The following SYNDIG1L variants were observed in gnomAD, a reference collection of about 807,000 sequenced individuals.
The protein encoded by SYNDIG1L is synapse differentiation inducing 1 like.
In SYNDIG1L, 13 loss-of-function variants were observed where a neutral mutation model predicts 20.1. The observed-to-expected ratio is 0.65, with a 90% CI of 0.42 to 1.03. The LOEUF is 1.03. SYNDIG1L is among the 50% of genes least tolerant of loss of function. The pLI is 0.00. For synonymous variants in SYNDIG1L, 128 were observed against 129.3 expected, an observed-to-expected ratio of 0.99 and a Z score of 0.07; for missense variants, 294 against 305.1, an observed-to-expected ratio of 0.96 and a Z score of 0.27.
intron 1 of SYNDIG1L, among the ~76,000 whole-genome samples, chr14:74,422,692 T>TC (rs1359896711): frequency 6.4e-4 from 59 of 91,744 alleles, no homozygotes; most frequent in African/African-American, 2.1e-3. Flanking sequence ...ATTTCTCTTT[T>TC]TTTTCTTTCT....
chr14:74,467,806 G>A, the SYNDIG1L span, among the ~76,000 whole-genome samples: 169 of 152,272 alleles, frequency 1.1e-3, no homozygotes, highest in African/African-American at 3.7e-3. Context: ...TGGAACTGAC[G>A]TGGAGCTGGA....
the SYNDIG1L span, among the ~76,000 whole-genome samples, chr14:74,437,698 C>T: frequency 6.6e-6 from 1 of 152,178 alleles, no homozygotes; most frequent in Non-Finnish European, 1.5e-5. Context: ...CAACTATCCC[C>T]CAGCTCCCAC....
the SYNDIG1L span, among the ~76,000 whole-genome samples, chr14:74,477,502 T>G: frequency 6.6e-6 from 1 of 152,014 alleles, no homozygotes; most frequent in Non-Finnish European, 1.5e-5. Flanking sequence ...CCCTGTTTCT[T>G]TTCTGAAAGA....
At chr14:74,455,350 C>T in the SYNDIG1L span, among the ~76,000 whole-genome samples, 19,615 of 151,462 alleles carry the variant, frequency 0.13, 2,560 homozygotes, top group African/African-American at 0.33. Flanking sequence ...GGAGCTGTGC[C>T]TGGCTGGAGC....
chr14:74,458,917 G>A, the SYNDIG1L span, among the ~76,000 whole-genome samples: 16 of 152,224 alleles, frequency 1.1e-4, no homozygotes, highest in African/African-American at 1.9e-4. Flanking sequence ...GCTGTCCACC[G>A]TCTGCAGTGG....
chr14:74,429,229 C>A (rs1005209651), upstream of SYNDIG1L, among the ~76,000 whole-genome samples: 4 of 152,158 alleles, frequency 2.6e-5, no homozygotes, highest in Non-Finnish European at 5.9e-5. Context: ...GGGTGAGGAC[C>A]ACAGGTAAGG....
At chr14:74,458,469 A>C in the SYNDIG1L span, among the ~76,000 whole-genome samples, 1 of 151,846 alleles carries the variant, frequency 6.6e-6, no homozygotes, top group Non-Finnish European at 1.5e-5. Flanking sequence ...AAAAAATACA[A>C]AAATTAGCTG....
chr14:74,441,301 G>C, the SYNDIG1L span, among the ~76,000 whole-genome samples: 4 of 152,198 alleles, frequency 2.6e-5, no homozygotes, highest in Admixed American at 6.5e-5. Context: ...ACTCAAAAAA[G>C]TTTGGAAGCA....
At chr14:74,478,896 CT>C in the SYNDIG1L span, among the ~76,000 whole-genome samples, 1 of 152,108 alleles carries the variant, frequency 6.6e-6, no homozygotes, top group Non-Finnish European at 1.5e-5. Context: ...ATTATTAGTC[CT>C]ATTTAACAGA....
chr14:74,449,498 A>C, the SYNDIG1L span, among the ~76,000 whole-genome samples: 1 of 147,266 alleles, frequency 6.8e-6, no homozygotes, highest in Non-Finnish European at 1.5e-5. Context: ...CATAGTCCTA[A>C]CTACTCAGGA....
chr14:74,419,318 C>T lies in SYNDIG1L; in HGVS notation c.-58+6594G>A, dbSNP rs147180920. ...TCCTTCACCAGACTGTGAGCTCCAG[C>T]GGGGTGGTAACGGTCTGTCTTGCTC... On this transcript the variant is annotated intron_variant, in intron 1 of 3. Coordinates refer to ENST00000331628, the MANE Select transcript of SYNDIG1L (RefSeq NM_001105579.2). Among the ~76,000 whole-genome samples, 20 of 152,270 alleles carry T rather than the reference C, an allele frequency of 1.3e-4. No homozygotes were observed. The East Asian group carries it at 3.7e-3, about 28-fold the overall frequency.
intron 1 of SYNDIG1L, among the ~76,000 whole-genome samples, chr14:74,418,041 A>G (rs932133956): frequency 6.6e-6 from 1 of 152,234 alleles, no homozygotes; most frequent in African/African-American, 2.4e-5. Context: ...CGGGCAGAAG[A>G]TTAAATGTAA....
the SYNDIG1L span, among the ~76,000 whole-genome samples, chr14:74,446,804 A>G: frequency 6.6e-6 from 1 of 152,124 alleles, no homozygotes. Context: ...TTTAGTAGAG[A>G]CAGGGTTTCA....
rs1361132365 is a variant in SYNDIG1L at position 74,407,331 on chromosome 14, C to T, written c.*204G>A. 26 of 723,772 alleles carry T rather than the reference C, an allele frequency of 3.6e-5. 1 individual carries two copies. The highest frequency in any genetic ancestry group is 3.3e-4 in the East Asian group (12 of 36,232). The allele number at this position is 723,772 out of a possible 1,614,324, so 44.8% of individuals were successfully genotyped here. A position where few individuals can be genotyped will look rare whatever the true frequency, so the allele number is the denominator to read the frequency against. On this transcript the variant is annotated 3_prime_UTR_variant, in exon 4 of 4. Coordinates refer to ENST00000331628, the MANE Select transcript of SYNDIG1L (RefSeq NM_001105579.2). Reference sequence around the variant, plus strand: ...TAGCCTGGGTTAGAGAGTGGCGCCCCGGGCCCTGCTCTGGGGCTGGGAGCA... The same window carrying T: ...TAGCCTGGGTTAGAGAGTGGCGCCCTGGGCCCTGCTCTGGGGCTGGGAGCA...
At chr14:74,418,352 G>C (rs2086193951) in intron 1 of SYNDIG1L, among the ~76,000 whole-genome samples, 1 of 152,198 alleles carries the variant, frequency 6.6e-6, no homozygotes, top group Admixed American at 6.5e-5. Context: ...AGCTTTCTTT[G>C]TCTCAGTTTG....
the SYNDIG1L span, among the ~76,000 whole-genome samples, chr14:74,471,652 C>G: frequency 6.2e-4 from 94 of 152,070 alleles, no homozygotes; most frequent in African/African-American, 2.2e-3. Flanking sequence ...AATTTACAGA[C>G]CGAACTAAGA....
chr14:74,416,383 C>T (rs1011819793), intron 1 of SYNDIG1L, among the ~76,000 whole-genome samples: 2 of 152,072 alleles, frequency 1.3e-5, no homozygotes, highest in African/African-American at 4.8e-5. Context: ...CATCTGTAAT[C>T]AGTATTTTGG....
At chr14:74,421,848 C>T (rs1183909665) in intron 1 of SYNDIG1L, among the ~76,000 whole-genome samples, 1 of 152,166 alleles carries the variant, frequency 6.6e-6, no homozygotes, top group African/African-American at 2.4e-5. Flanking sequence ...TCTTGGCTCC[C>T]ACGGGAGGTT....
chr14:74,466,981 A>T, the SYNDIG1L span, among the ~76,000 whole-genome samples: 3 of 151,998 alleles, frequency 2.0e-5, no homozygotes, highest in African/African-American at 2.4e-5. Flanking sequence ...AACCCCTCAC[A>T]CTTCACAAGG....
Sources: gnomAD v4.1 joint callset for allele counts (sites outside exome capture counted in the v4.1 genomes callset) on GRCh38, gnomAD v4.1.1 for gene constraint, MANE v1.5 for transcripts, NCBI Gene and HGNC (gene_info 2026-07-23, HGNC 2026-07-21) for gene names.